The following NBEA variants were observed in gnomAD, a reference collection of about 807,000 sequenced individuals.
NBEA encodes lysosomal-trafficking regulator 2.
Under a neutral mutation model 343.4 loss-of-function variants are expected in NBEA, and 44 were observed. That is an observed-to-expected ratio of 0.13 (90% CI 0.10 to 0.16). NBEA has a LOEUF of 0.16. NBEA is among the 10% of genes least tolerant of loss of function. The pLI, the probability that NBEA is intolerant of heterozygous loss-of-function variation, is 1.00. For synonymous variants in NBEA, 1,175 were observed against 1,238.7 expected (o/e 0.95, Z 1.08); for missense variants, 2,555 against 3,631.3 (o/e 0.70, Z 7.62).
At chr13:35,450,757 A>C (rs2046270341) in intron 39 of NBEA, among the ~76,000 whole-genome samples, 1 of 152,190 alleles carries the variant, frequency 6.6e-6, no homozygotes, top group Non-Finnish European at 1.5e-5. Flanking sequence ...TTTCCTAGTT[A>C]ATGCTGCTCC....
chr13:35,142,206 A>G, intron 17 of NBEA, 63 bp from the exon 18 acceptor site: 1 of 1,009,346 alleles, frequency 9.9e-7, no homozygotes, highest in Non-Finnish European at 1.5e-6. Flanking sequence ...TCTTATCTAA[A>G]AGTCATGTGA....
intron 1 of NBEA, among the ~76,000 whole-genome samples, chr13:34,984,548 A>G (rs528659516): frequency 2.9e-5 from 4 of 139,200 alleles, no homozygotes; most frequent in African/African-American, 7.4e-5. Context: ...GTTGCATATG[A>G]ACTTTAAAGT....
At chr13:35,255,774 C>T (rs540174419) in intron 34 of NBEA, among the ~76,000 whole-genome samples, 8 of 152,320 alleles carry the variant, frequency 5.3e-5, no homozygotes, top group Admixed American at 1.3e-4. Flanking sequence ...GTGTGGTGAG[C>T]GGGGGTGGGA....
intron 41 of NBEA, chr13:35,475,605 C>A (rs746050246): frequency 6.2e-7 from 1 of 1,613,674 alleles, no homozygotes. Flanking sequence ...TCGGCCAGAT[C>A]CCGGTGCATT....
intron 1 of NBEA, among the ~76,000 whole-genome samples, chr13:35,010,150 A>T (rs543092627): frequency 6.6e-6 from 1 of 152,182 alleles, no homozygotes; most frequent in Non-Finnish European, 1.5e-5. Context: ...TACATTTGTG[A>T]GTTATTAGTA....
intron 39 of NBEA, among the ~76,000 whole-genome samples, chr13:35,441,319 T>G (rs1345396712): frequency 6.6e-6 from 1 of 152,200 alleles, no homozygotes; most frequent in Non-Finnish European, 1.5e-5. Flanking sequence ...ATTTTCTCCC[T>G]CACATTTTTA....
intron 48 of NBEA, among the ~76,000 whole-genome samples, chr13:35,612,767 C>T (rs1593366988): frequency 6.6e-6 from 1 of 152,098 alleles, no homozygotes; most frequent in African/African-American, 2.4e-5. Flanking sequence ...ATAAGCTAAA[C>T]AAGCAAGACC....
intron 35 of NBEA, 39 bp downstream of exon 35, chr13:35,290,489 G>A: frequency 1.4e-6 from 2 of 1,453,340 alleles, no homozygotes; most frequent in Non-Finnish European, 1.9e-6. Context: ...TAATATATGA[G>A]GGTTTTTTGT....
chr13:35,520,944 C>A (rs2077685351), intron 41 of NBEA, among the ~76,000 whole-genome samples: 3 of 151,454 alleles, frequency 2.0e-5, no homozygotes, highest in South Asian at 2.1e-4. Flanking sequence ...AGGAAAAAAT[C>A]TTTTATTCCC....
chr13:35,671,411 T>C lies in NBEA; in HGVS notation c.*420T>C, dbSNP rs1430971375. The C allele has an allele frequency of 1.9e-5, 3 of 156,238 alleles. No individual in the cohort carries two copies. Among genetic ancestry groups the C allele is most frequent in the African/African-American group, 7.2e-5 (3 of 41,454 alleles). The allele number at this position is 156,238 out of a possible 1,614,324, so 9.7% of individuals were successfully genotyped here. ...TGAGAAAAAAAAAAAAAAACACGTT[T>C]GATACTTTGTACATCAGATGCATCT... On this transcript the variant is annotated 3_prime_UTR_variant, in exon 59 of 59. Coordinates refer to ENST00000379939, the MANE Select transcript of NBEA (RefSeq NM_001385012.1).
intron 41 of NBEA, among the ~76,000 whole-genome samples, chr13:35,521,958 G>T (rs938131910): frequency 7.2e-5 from 11 of 152,166 alleles, no homozygotes; most frequent in African/African-American, 2.7e-4. Flanking sequence ...AAGATAGGAA[G>T]ATTCTTAAAT....
intron 29 of NBEA, 61 bp from the exon 30 acceptor site, chr13:35,183,915 T>TG (rs2071495133): frequency 8.3e-7 from 1 of 1,200,436 alleles, no homozygotes; most frequent in East Asian, 2.4e-5. Context: ...GGATCTTCAG[T>TG]GGACCATGTG....
chr13:35,162,039 T>G (rs1464618313), intron 23 of NBEA, 72 bp downstream of exon 23: 1 of 1,292,204 alleles, frequency 7.7e-7, no homozygotes, highest in Non-Finnish European at 1.0e-6. Flanking sequence ...TATTTGGTTT[T>G]GACAAAACCA....
chr13:35,173,962 A>G (rs1053303394), intron 27 of NBEA, among the ~76,000 whole-genome samples: 17 of 152,182 alleles, frequency 1.1e-4, no homozygotes, highest in African/African-American at 3.6e-4. Flanking sequence ...CTGAATGCCC[A>G]TTCAATGAAT....
intron 49 of NBEA, among the ~76,000 whole-genome samples, chr13:35,633,206 C>A (rs1593423234): frequency 6.6e-6 from 1 of 150,984 alleles, no homozygotes; most frequent in South Asian, 2.1e-4. Context: ...GGGTTCACGC[C>A]ATTCTCCTGC....
At chr13:35,521,989 T>A (rs1056287004) in intron 41 of NBEA, among the ~76,000 whole-genome samples, 2 of 151,186 alleles carry the variant, frequency 1.3e-5, no homozygotes, top group African/African-American at 2.4e-5. Flanking sequence ...CAACAGGGAG[T>A]CAGACAGAGA....
chr13:35,648,794 G>A (rs1310093384), intron 51 of NBEA, among the ~76,000 whole-genome samples: 3 of 140,322 alleles, frequency 2.1e-5, no homozygotes, highest in African/African-American at 5.3e-5. Flanking sequence ...CAAAACAGAC[G>A]CTAAAAACAG....
intron 10 of NBEA, among the ~76,000 whole-genome samples, chr13:35,096,573 A>G (rs889327909): frequency 7.2e-5 from 11 of 152,016 alleles, no homozygotes; most frequent in Admixed American, 7.2e-4. Flanking sequence ...CATGGATCAT[A>G]GGGACCATTG....
At chr13:35,586,643 T>C (rs2081303400) in intron 46 of NBEA, among the ~76,000 whole-genome samples, 1 of 152,228 alleles carries the variant, frequency 6.6e-6, no homozygotes, top group Non-Finnish European at 1.5e-5. Flanking sequence ...AAATACTTTT[T>C]AAATCCGGCA....
Sources: allele counts gnomAD v4.1 joint callset (sites outside exome capture counted in the v4.1 genomes callset), GRCh38; gene constraint gnomAD v4.1.1; transcripts MANE v1.5; gene names NCBI Gene and HGNC (gene_info 2026-07-23, HGNC 2026-07-21).